The following CLASP1 variants were observed in gnomAD, a reference collection of about 807,000 sequenced individuals.
The protein encoded by CLASP1 is cytoplasmic linker associated protein 1, also known as CLIP-associating protein 1.
In CLASP1, 38 loss-of-function variants were observed where a neutral mutation model predicts 192.3. The ratio of observed to expected loss-of-function variants is 0.20; its 90% CI spans 0.15 to 0.26. The LOEUF (loss-of-function observed/expected upper bound fraction) is 0.26, where lower values mean the gene tolerates loss of function less well. Among genes scored for constraint, CLASP1 ranks in the 10% least tolerant of loss-of-function variants. The pLI is 1.00. For missense variants in CLASP1, 1,433 were observed against 1,932.5 expected (o/e 0.74, Z 4.85); for synonymous variants, 691 against 712.8 (o/e 0.97, Z 0.49).
intron 30 of CLASP1, among the ~76,000 whole-genome samples, chr2:121,391,213 A>G (rs10167388): frequency 0.25 from 38,239 of 152,150 alleles, 7,693 homozygotes; most frequent in African/African-American, 0.55. Context: ...ACAGTGAAGT[A>G]TGCTGTTTGA....
intron 8 of CLASP1, among the ~76,000 whole-genome samples, chr2:121,474,660 C>T (rs927781797): frequency 6.6e-6 from 1 of 152,088 alleles, no homozygotes; most frequent in Admixed American, 6.5e-5. Flanking sequence ...GGCGTGAACC[C>T]AAGAGGCAGA....
chr2:121,618,315 T>C (rs967643605), intron 1 of CLASP1, among the ~76,000 whole-genome samples: 2 of 152,218 alleles, frequency 1.3e-5, no homozygotes, highest in Non-Finnish European at 2.9e-5. Context: ...CAGTCATAAG[T>C]TGAGTTCCAT....
intron 2 of CLASP1, among the ~76,000 whole-genome samples, chr2:121,565,776 T>A (rs896858467): frequency 1.3e-5 from 2 of 152,194 alleles, no homozygotes; most frequent in African/African-American, 4.8e-5. Context: ...CATGCTCAAG[T>A]CTAGATGCTG....
exon 22 of CLASP1, chr2:121,425,202 G>C: frequency 1.9e-6 from 3 of 1,613,126 alleles, no homozygotes; most frequent in Non-Finnish European, 2.5e-6. Context: ...ATCTTGCTTC[G>C]CTTTTCTGAA....
chr2:121,365,003 A>C (rs2067108038), intron 36 of CLASP1, 91 bp downstream of exon 37: 4 of 1,202,016 alleles, frequency 3.3e-6, no homozygotes. Flanking sequence ...CACAACCCAG[A>C]AAGTAAAGCT....
intron 8 of CLASP1, among the ~76,000 whole-genome samples, chr2:121,489,399 C>G (rs528221194): frequency 1.3e-5 from 2 of 152,240 alleles, no homozygotes; most frequent in East Asian, 3.9e-4. Context: ...AAACACTGAG[C>G]AGAAGTCCTG....
At chr2:121,536,845 CATT>C (rs1417939400) in intron 2 of CLASP1, among the ~76,000 whole-genome samples, 1 of 152,138 alleles carries the variant, frequency 6.6e-6, no homozygotes, top group Non-Finnish European at 1.5e-5. Context: ...AAGAGAAAAA[CATT>C]ATGGAAAGAG....
At chr2:121,366,440 C>T (rs2067424883) in intron 35 of CLASP1, among the ~76,000 whole-genome samples, 1 of 152,226 alleles carries the variant, frequency 6.6e-6, no homozygotes, top group Non-Finnish European at 1.5e-5. Flanking sequence ...ACAGAGAACT[C>T]CTCTTCTACC....
At chr2:121,648,979 C>T (rs565128310) in intron 1 of CLASP1, among the ~76,000 whole-genome samples, 2 of 152,310 alleles carry the variant, frequency 1.3e-5, no homozygotes, top group Non-Finnish European at 2.9e-5. Flanking sequence ...GGTTTCTCTC[C>T]CTCGCCCCCT....
chr2:121,403,668 T>A (rs1185703466), intron 26 of CLASP1: 1 of 446,814 alleles, frequency 2.2e-6, no homozygotes, highest in African/African-American at 2.0e-5. Flanking sequence ...GTATTTAAAA[T>A]CTAGACTCCA....
chr2:121,609,595 T>C (rs897026278), intron 1 of CLASP1, among the ~76,000 whole-genome samples: 1 of 152,196 alleles, frequency 6.6e-6, no homozygotes, highest in Admixed American at 6.5e-5. Flanking sequence ...GGTACAAAAG[T>C]GCAAGACCTG....
At chr2:121,405,801 T>C (rs1262943716) in intron 25 of CLASP1, among the ~76,000 whole-genome samples, 1 of 152,208 alleles carries the variant, frequency 6.6e-6, no homozygotes, top group Non-Finnish European at 1.5e-5. Context: ...TGTCACAGGA[T>C]GCCTGCGTTT....
intron 19 of CLASP1, chr2:121,445,360 C>CAG: frequency 2.7e-6 from 2 of 740,832 alleles, no homozygotes; most frequent in Non-Finnish European, 4.0e-6. Flanking sequence ...ACCCAAAAGG[C>CAG]AGAGCCAAGT....
intron 34 of CLASP1, among the ~76,000 whole-genome samples, chr2:121,375,019 G>A (rs561847807): frequency 6.6e-6 from 1 of 152,118 alleles, no homozygotes; most frequent in African/African-American, 2.4e-5. Flanking sequence ...GAGGGGCCGG[G>A]GGTAGAATGA....
intron 2 of CLASP1, among the ~76,000 whole-genome samples, chr2:121,593,093 G>A (rs982075102): frequency 2.0e-5 from 3 of 152,176 alleles, no homozygotes; most frequent in Non-Finnish European, 4.4e-5. Flanking sequence ...ACTTTTTGAA[G>A]AAACCTGGCA....
chr2:121,427,374 C>CAAA lies in CLASP1; in HGVS notation c.2044+27_2044+29dup, dbSNP rs752324855. Reference sequence around the variant, plus strand: ...GGGAGAATGCCAACAACAACAACAACAAAAAAAGGCAAGAAGAGAAATGGC... The same window carrying CAAA: ...GGGAGAATGCCAACAACAACAACAACAAAAAAAAAAGGCAAGAAGAGAAATGGC... On this transcript the variant is annotated intron_variant, in intron 21 of 39. Coordinates refer to ENST00000263710, the Ensembl canonical transcript of CLASP1. 3.1e-6 allele frequency: 5 copies of CAAA among 1,608,200 alleles called. No individual in the cohort carries two copies. The Admixed American group carries it at 6.7e-5, about 22-fold the overall frequency.
At chr2:121,596,761 A>G (rs913851716) in intron 2 of CLASP1, among the ~76,000 whole-genome samples, 1 of 152,214 alleles carries the variant, frequency 6.6e-6, no homozygotes, top group African/African-American at 2.4e-5. Context: ...GGCCTCTCCA[A>G]CTAAGCATAC....
At chr2:121,394,419 C>G (rs558144186) in intron 30 of CLASP1, among the ~76,000 whole-genome samples, 1 of 152,194 alleles carries the variant, frequency 6.6e-6, no homozygotes, top group South Asian at 2.1e-4. Flanking sequence ...TCAGTACCTT[C>G]AATGTCATCC....
chr2:121,577,684 A>C (rs1417673444), intron 2 of CLASP1, among the ~76,000 whole-genome samples: 1 of 152,176 alleles, frequency 6.6e-6, no homozygotes, highest in African/African-American at 2.4e-5. Context: ...GTTTCCTCAA[A>C]TTTAAAATGA....
Sources: allele counts gnomAD v4.1 joint callset (sites outside exome capture counted in the v4.1 genomes callset), GRCh38; gene constraint gnomAD v4.1.1; transcripts MANE v1.5; gene names NCBI Gene and HGNC (gene_info 2026-07-23, HGNC 2026-07-21).